Variants in C6 observed in about 807,000 individuals in gnomAD.
The protein encoded by C6 is complement component C6.
Under a neutral mutation model 112.9 loss-of-function variants are expected in C6, and 101 were observed. The observed-to-expected ratio is 0.89, with a 90% CI of 0.76 to 1.06. C6 has a LOEUF of 1.06. Ranked by LOEUF, C6 falls within the 50% of genes least tolerant of loss-of-function variation. The pLI is 0.00. For missense variants in C6, 1,202 were observed against 1,104.6 expected, an observed-to-expected ratio of 1.09 and a Z score of -1.25; for synonymous variants, 431 against 384.1, an observed-to-expected ratio of 1.12 and a Z score of -1.43.
upstream of C6, among the ~76,000 whole-genome samples, chr5:41,216,051 A>G (rs1164258610): frequency 6.6e-6 from 1 of 152,110 alleles, no homozygotes; most frequent in African/African-American, 2.4e-5. Flanking sequence ...AACTATTTCA[A>G]TTGGGGGATC....
chr5:41,181,548 T>A lies in C6; in HGVS notation c.738A>T (p.Ala246=). The change falls in exon 7 of 18, where the codon GCA becomes GCT. Residue 246 remains alanine, a synonymous_variant. Coordinates refer to ENST00000337836, the MANE Select transcript of C6 (RefSeq NM_000065.5). ...AGAAATCTGTTTTCAAGTCATCTTC[T>A]GCAGTTTGTACCTGGAGAAAAATCC... The part of the protein sequence containing the change: ...LENVGFEVQT[A]EDDLKTDFYK... 2 of 1,613,106 alleles carry A rather than the reference T, an allele frequency of 1.2e-6. No homozygotes were observed. The highest frequency in any genetic ancestry group is 1.7e-6 in the Non-Finnish European group (2 of 1,179,396).
At chr5:41,209,679 A>G (rs1053566261) in intron 1 of C6, among the ~76,000 whole-genome samples, 1 of 152,214 alleles carries the variant, frequency 6.6e-6, no homozygotes, top group Non-Finnish European at 1.5e-5. Flanking sequence ...GGACCTCTTC[A>G]AGGAGAACTA....
At chr5:41,157,412 G>A (rs150848050) in intron 13 of C6, among the ~76,000 whole-genome samples, 2,327 of 152,294 alleles carry the variant, frequency 0.015, 19 homozygotes, top group Non-Finnish European at 0.022. Context: ...TAGGGCAGGG[G>A]CCAGTAAGCT....
At chr5:41,178,231 C>T (rs1266028811) in intron 7 of C6, among the ~76,000 whole-genome samples, 1 of 151,978 alleles carries the variant, frequency 6.6e-6, no homozygotes, top group Non-Finnish European at 1.5e-5. Context: ...TTGTGGTTTC[C>T]ATTTTGTAAA....
chr5:41,146,241 G>A (rs1745811174), intron 17 of C6, among the ~76,000 whole-genome samples: 1 of 150,698 alleles, frequency 6.6e-6, no homozygotes, highest in Non-Finnish European at 1.5e-5. Context: ...TATAAAATAG[G>A]CTTCTGGGGG....
At chr5:41,260,040 A>G (rs1225995261) in intron 1 of C6, among the ~76,000 whole-genome samples, 1 of 152,176 alleles carries the variant, frequency 6.6e-6, no homozygotes, top group African/African-American at 2.4e-5. Flanking sequence ...GTTTTATTCA[A>G]TTTATCTACT....
Position 41,226,609 on chromosome 5 carries a change from A to C in C6, c.-20-23359T>G, listed in dbSNP as rs1321898469. ...CATGAACAACATCTCCCCCATTCCTATCACCTCCCTCCTGCGGCCCCTGCT... is the reference window on the plus strand; with the variant it reads ...CATGAACAACATCTCCCCCATTCCTCTCACCTCCCTCCTGCGGCCCCTGCT... On this transcript the variant is annotated intron_variant, in intron 1 of 17. Transcript: ENST00000263413. Among the ~76,000 whole-genome samples, 3 of 152,028 alleles carry C rather than the reference A, an allele frequency of 2.0e-5. 1 individual carries two copies. The East Asian group carries it at 5.8e-4, about 29-fold the overall frequency.
rs1561136805 is a variant in C6, at chr5:41,181,398, A to T, written c.888T>A (p.Asn296Lys). 6.2e-7 allele frequency: 1 copy of T among 1,613,746 alleles called. No individual in the cohort carries two copies. Among genetic ancestry groups the T allele is most frequent in the Admixed American group, 1.7e-5 (1 of 60,006 alleles). ...SSKRSENINH[N>K]SAFKQAIQAS... ...CTTGAATGGCTTGTTTGAAGGCAGA[A>T]TTATGGTTGATATTTTCACTTCTCT... The change falls in exon 7 of 18, where the codon AAT becomes AAA. Residue 296 changes from asparagine to lysine, a missense_variant. Asn to Lys is a moderately conservative substitution (Grantham distance 94, BLOSUM62 0). Coordinates refer to ENST00000337836, the MANE Select transcript of C6 (RefSeq NM_000065.5).
chr5:41,224,816 G>T (rs993116690), intron 1 of C6, among the ~76,000 whole-genome samples: 1 of 152,026 alleles, frequency 6.6e-6, no homozygotes, highest in African/African-American at 2.4e-5. Flanking sequence ...ACATTTTAAG[G>T]AACTGTCAAA....
At chr5:41,172,146 A>C in intron 9 of C6, 79 bp downstream of exon 9, 1 of 1,408,274 alleles carries the variant, frequency 7.1e-7, no homozygotes, top group Non-Finnish European at 1.0e-6. Context: ...AAAATAGCAC[A>C]GTCACATCCA....
At position 41,172,431 on chromosome 5, in the gene C6, A is replaced by G. The variant is rs1366609886; in HGVS notation, c.1169-84T>C. On this transcript the variant is annotated intron_variant, in intron 8 of 17. Transcript: ENST00000337836. ...GAACATGGTGCTCTGGTCACTTCGGATCTACAGATACTTTATATTAGCCCC... is the reference window on the plus strand; with the variant it reads ...GAACATGGTGCTCTGGTCACTTCGGGTCTACAGATACTTTATATTAGCCCC... 6.8e-6 allele frequency: 9 copies of G among 1,316,826 alleles called. No individual in the cohort carries two copies. In the Admixed American group the frequency reaches 1.6e-4, roughly 23 times the overall value. 81.6% of individuals were successfully genotyped at this position (1,316,826 alleles called of 1,614,324 possible).
chr5:41,203,488 C>T (rs776568499), intron 1 of C6: 145 of 471,184 alleles, frequency 3.1e-4, no homozygotes, highest in Middle Eastern at 1.2e-3. Context: ...TTTCTTCAAA[C>T]GGTTAGTGAT....
intron 5 of C6, among the ~76,000 whole-genome samples, chr5:41,186,566 G>C (rs1019444671): frequency 6.6e-6 from 1 of 151,960 alleles, no homozygotes; most frequent in Admixed American, 6.6e-5. Context: ...TGCTATCCCA[G>C]GTCTACTTCT....
chr5:41,238,452 T>C (rs1386451686), intron 1 of C6, among the ~76,000 whole-genome samples: 1 of 152,144 alleles, frequency 6.6e-6, no homozygotes, highest in Non-Finnish European at 1.5e-5. Context: ...TAATAAATAA[T>C]AAATGGCATT....
chr5:41,201,822 A>C, intron 2 of C6, 108 bp from the exon 3 acceptor site: 4 of 1,070,114 alleles, frequency 3.7e-6, no homozygotes, highest in Non-Finnish European at 5.7e-6. Context: ...AAAAGAAAGA[A>C]AATTTTCATG....
At chr5:41,207,062 G>A (rs147155665) in intron 1 of C6, among the ~76,000 whole-genome samples, 1,920 of 152,246 alleles carry the variant, frequency 0.013, 44 homozygotes, top group African/African-American at 0.044. Context: ...AGAGAGTAGG[G>A]GCCAATATAC....
intron 1 of C6, among the ~76,000 whole-genome samples, chr5:41,226,014 G>A (rs1429911173): frequency 1.3e-5 from 2 of 152,092 alleles, no homozygotes; most frequent in African/African-American, 2.4e-5. Context: ...AGAAAACCTA[G>A]GTGATACCAT....
intron 1 of C6, among the ~76,000 whole-genome samples, chr5:41,220,521 G>C (rs6889037): frequency 0.14 from 21,279 of 151,964 alleles, 3,323 homozygotes; most frequent in African/African-American, 0.39. Context: ...GAAAGAAGGC[G>C]TTTATATAAA....
intron 3 of C6, among the ~76,000 whole-genome samples, chr5:41,200,870 T>G (rs1034561146): frequency 5.4e-5 from 7 of 129,816 alleles, no homozygotes; most frequent in East Asian, 4.2e-4. Context: ...AAACCCTGTT[T>G]TTGTTGTTGT....
Sources: gnomAD v4.1 joint callset for allele counts (sites outside exome capture counted in the v4.1 genomes callset) on GRCh38, gnomAD v4.1.1 for gene constraint, MANE v1.5 for transcripts, NCBI Gene and HGNC (gene_info 2026-07-23, HGNC 2026-07-21) for gene names.